The following STIM1 variants were observed in gnomAD, a reference collection of about 807,000 sequenced individuals.
STIM1 encodes stromal interaction molecule 1.
A neutral mutation model predicts 74.7 loss-of-function variants in STIM1; 25 were observed. The observed-to-expected ratio is 0.33, with a 90% CI of 0.24 to 0.47. The LOEUF (loss-of-function observed/expected upper bound fraction) is 0.47, where lower values mean the gene tolerates loss of function less well. Among genes scored for constraint, STIM1 ranks in the 20% least tolerant of loss-of-function variants. The pLI is 1.00. For synonymous variants in STIM1, 328 were observed against 348.8 expected, an observed-to-expected ratio of 0.94 and a Z score of 0.66; for missense variants, 728 against 920.8, an observed-to-expected ratio of 0.79 and a Z score of 2.71.
At chr11:4,072,209 T>A (rs2094408318) in intron 6 of STIM1, among the ~76,000 whole-genome samples, 1 of 152,064 alleles carries the variant, frequency 6.6e-6, no homozygotes, top group Non-Finnish European at 1.5e-5. Flanking sequence ...AAGACACCCC[T>A]CCCCTTTTCC....
At chr11:3,989,550 G>C in intron 2 of STIM1, 2 of 551,936 alleles carry the variant, frequency 3.6e-6, no homozygotes, top group Non-Finnish European at 6.8e-6. Context: ...GGTCGCTGCC[G>C]CTCCTCCCGC....
rs2133161164 is a variant in STIM1 at position 4,070,022 on chromosome 11, G to T, written c.614-4G>T. On this transcript the variant is annotated splice_polypyrimidine_tract_variant and splice_region_variant and intron_variant, in intron 5 of 12. Coordinates refer to ENST00000526596, the MANE Select transcript of STIM1 (RefSeq NM_001382567.1). The stretch of plus-strand genomic sequence containing the variant: ...AACTCATCATGCCCTCCCCTCTCTG[G>T]CAGTGACTCGCCATAATCACCTCAA... 6.2e-7 allele frequency: 1 copy of T among 1,613,928 alleles called. No individual in the cohort carries two copies. Among genetic ancestry groups the T allele is most frequent in the African/African-American group, 1.3e-5 (1 of 75,028 alleles).
intron 1 of STIM1, among the ~76,000 whole-genome samples, chr11:3,908,429 G>A (rs183689942): frequency 3.3e-5 from 5 of 152,178 alleles, no homozygotes; most frequent in Non-Finnish European, 7.4e-5. Context: ...TGGCTAACCC[G>A]GTGAAACCCT....
At chr11:4,091,234 C>A (rs1348827319) in intron 12 of STIM1, 48 bp from the exon 13 acceptor site, 1 of 1,612,730 alleles carries the variant, frequency 6.2e-7, no homozygotes, top group Non-Finnish European at 8.5e-7. Context: ...CCCCTATCAC[C>A]TCATCCAATA....
chr11:4,087,557 G>A (rs192537249), intron 12 of STIM1, among the ~76,000 whole-genome samples: 1 of 152,094 alleles, frequency 6.6e-6, no homozygotes, highest in Non-Finnish European at 1.5e-5. Context: ...CGAAGGCTCC[G>A]AAAGGGAAGG....
At chr11:3,920,563 T>C (rs949381951) in intron 1 of STIM1, among the ~76,000 whole-genome samples, 1 of 152,150 alleles carries the variant, frequency 6.6e-6, no homozygotes, top group Non-Finnish European at 1.5e-5. Context: ...CAACTGGTCA[T>C]TTTCTCTGTC....
At chr11:3,921,340 A>G (rs1208465748) in intron 1 of STIM1, among the ~76,000 whole-genome samples, 2 of 152,242 alleles carry the variant, frequency 1.3e-5, no homozygotes, top group African/African-American at 4.8e-5. Flanking sequence ...AAAAGGATTA[A>G]AAACTATTTG....
intron 3 of STIM1, among the ~76,000 whole-genome samples, chr11:4,040,493 G>A (rs1238393248): frequency 6.6e-6 from 1 of 152,120 alleles, no homozygotes; most frequent in Non-Finnish European, 1.5e-5. Context: ...GGCTAAGTTA[G>A]GTGTCTTCTT....
intron 1 of STIM1, among the ~76,000 whole-genome samples, chr11:3,944,719 C>T (rs779719301): frequency 1.3e-5 from 2 of 152,182 alleles, no homozygotes; most frequent in Non-Finnish European, 2.9e-5. Context: ...CTGCCTGACT[C>T]CTTGAATTGT....
chr11:3,860,608 G>C (rs1454101996), intron 1 of STIM1, among the ~76,000 whole-genome samples: 1 of 152,162 alleles, frequency 6.6e-6, no homozygotes, highest in African/African-American at 2.4e-5. Context: ...CTCAGATCTT[G>C]AGATGAAAAG....
intron 2 of STIM1, among the ~76,000 whole-genome samples, chr11:4,014,558 T>C (rs2093876550): frequency 2.0e-5 from 3 of 152,236 alleles, no homozygotes; most frequent in Non-Finnish European, 4.4e-5. Flanking sequence ...TGTAGATGTC[T>C]ATTAGGTCTG....
intron 1 of STIM1, among the ~76,000 whole-genome samples, chr11:3,883,054 T>C (rs1174635136): frequency 6.6e-6 from 1 of 152,204 alleles, no homozygotes; most frequent in Non-Finnish European, 1.5e-5. Flanking sequence ...TTATATATTC[T>C]GGATACTAGA....
intron 2 of STIM1, among the ~76,000 whole-genome samples, chr11:4,022,355 A>AAAG (rs1554966187): frequency 6.7e-6 from 1 of 149,122 alleles, no homozygotes; most frequent in African/African-American, 2.4e-5. Context: ...AAAAAAAAAA[A>AAAG]AGAGAGAAGA....
intron 5 of STIM1, among the ~76,000 whole-genome samples, chr11:4,069,410 A>T (rs2094389508): frequency 6.6e-6 from 1 of 152,100 alleles, no homozygotes; most frequent in Admixed American, 6.5e-5. Context: ...TGTCTCATCC[A>T]TATGAATGTA....
intron 1 of STIM1, among the ~76,000 whole-genome samples, chr11:3,942,107 G>C (rs535466811): frequency 1.3e-5 from 2 of 152,288 alleles, no homozygotes; most frequent in East Asian, 1.9e-4. Context: ...GATCTCATTA[G>C]AGGAGGCAGT....
chr11:3,936,699 C>T (rs2092935789), intron 1 of STIM1, among the ~76,000 whole-genome samples: 1 of 152,174 alleles, frequency 6.6e-6, no homozygotes. Context: ...GGACTTGGCA[C>T]TATAGAGGCA....
intron 1 of STIM1, among the ~76,000 whole-genome samples, chr11:3,946,062 G>A (rs1005029135): frequency 1.3e-5 from 2 of 152,110 alleles, no homozygotes; most frequent in African/African-American, 4.8e-5. Context: ...CTCCACCTCC[G>A]GCATAGGTGA....
chr11:3,918,912 A>T (rs1216626801), intron 1 of STIM1, among the ~76,000 whole-genome samples: 1 of 152,214 alleles, frequency 6.6e-6, no homozygotes, highest in Non-Finnish European at 1.5e-5. Context: ...GTGTGTTTCC[A>T]ATATTTAAAA....
At chr11:4,073,477 A>G (rs1412702599) in intron 6 of STIM1, among the ~76,000 whole-genome samples, 2 of 152,164 alleles carry the variant, frequency 1.3e-5, no homozygotes, top group Non-Finnish European at 2.9e-5. Context: ...TTATCTGTCT[A>G]CTTGTCTTTG....
Sources: allele counts gnomAD v4.1 joint callset (sites outside exome capture counted in the v4.1 genomes callset), GRCh38; gene constraint gnomAD v4.1.1; transcripts MANE v1.5; gene names NCBI Gene and HGNC (gene_info 2026-07-23, HGNC 2026-07-21).